Variants in GINS1 observed in about 807,000 individuals in gnomAD.
GINS1 encodes GINS complex subunit 1, also known as DNA replication complex GINS protein PSF1.
A neutral mutation model predicts 34.9 loss-of-function variants in GINS1; 26 were observed. That is an observed-to-expected ratio of 0.74 (90% CI 0.55 to 1.03). The LOEUF is 1.03. Ranked by LOEUF, GINS1 falls within the 50% of genes least tolerant of loss-of-function variation. GINS1 has a pLI of 0.00. For missense variants in GINS1, 235 were observed against 237.9 expected (o/e 0.99, Z 0.08); for synonymous variants, 97 against 84.4 (o/e 1.15, Z -0.82).
intron 5 of GINS1, among the ~76,000 whole-genome samples, chr20:25,437,230 C>T (rs77222409): frequency 0.021 from 3,258 of 152,294 alleles, 101 homozygotes; most frequent in African/African-American, 0.072. Flanking sequence ...CAGTGGAATG[C>T]GGGAGGGGCT....
At position 25,446,616 on chromosome 20, in the gene GINS1, C is replaced by A. The variant is rs972305901; in HGVS notation, c.*625C>A. 1 of 152,170 alleles carries A rather than the reference C, an allele frequency of 6.6e-6. No individual in the cohort carries two copies. The highest frequency in any genetic ancestry group is 6.5e-5 in the Admixed American group (1 of 15,268). 9.4% of individuals were successfully genotyped at this position (152,170 alleles called of 1,614,324 possible). ...AGTATATATAATGTTTAATGACATA[C>A]TAATTTATCATCTGGCTATTTGGGA... On this transcript the variant is annotated 3_prime_UTR_variant, in exon 7 of 7. Coordinates refer to ENST00000262460, the MANE Select transcript of GINS1 (RefSeq NM_021067.5).
intron 2 of GINS1, among the ~76,000 whole-genome samples, chr20:25,416,132 G>C (rs1024083107): frequency 7.9e-5 from 12 of 152,156 alleles, no homozygotes; most frequent in African/African-American, 2.9e-4. Flanking sequence ...GCTGGTTGCT[G>C]TGTGGAGGGG....
intron 4 of GINS1, among the ~76,000 whole-genome samples, chr20:25,422,601 A>G (rs114143773): frequency 5.3e-4 from 81 of 152,198 alleles, no homozygotes; most frequent in African/African-American, 1.9e-3. Context: ...AACAGCAACA[A>G]AAAAACTTGC....
chr20:25,445,914 TC>T lies in GINS1; in HGVS notation c.523-5del. 1 of 1,561,842 alleles carries T rather than the reference TC, an allele frequency of 6.4e-7. No homozygotes were observed. The highest frequency in any genetic ancestry group is 8.8e-7 in the Non-Finnish European group (1 of 1,136,714). ...TTTACTCTTTCTCCATCCCTTCTTG[TC>T]CCCTCAGCACTTTTTACCTCGATGG... On this transcript the variant is annotated splice_region_variant and splice_polypyrimidine_tract_variant and intron_variant, in intron 6 of 6. Coordinates refer to ENST00000262460, the MANE Select transcript of GINS1 (RefSeq NM_021067.5).
intron 4 of GINS1, 58 bp from the exon 5 acceptor site, chr20:25,425,153 A>G: frequency 1.3e-6 from 1 of 775,232 alleles, no homozygotes; most frequent in South Asian, 1.4e-5. Context: ...AATGGATGAT[A>G]TTCAGTGTGT....
intron 5 of GINS1, among the ~76,000 whole-genome samples, chr20:25,429,622 C>T (rs2090416022): frequency 1.3e-5 from 2 of 151,922 alleles, no homozygotes; most frequent in African/African-American, 2.4e-5. Context: ...TCAGATTGTT[C>T]GTTGTTAGTG....
chr20:25,408,330 G>A (rs891376082), intron 1 of GINS1, among the ~76,000 whole-genome samples: 11 of 152,170 alleles, frequency 7.2e-5, no homozygotes, highest in Admixed American at 6.6e-4. Context: ...AATGGGGATG[G>A]TGACAATAAT....
rs1467433830 is a variant in GINS1 at position 25,445,979 on chromosome 20, C to T, written c.579C>T (p.His193=). The T allele has an allele frequency of 1.2e-6, 2 of 1,608,170 alleles. No individual in the cohort carries two copies. Among genetic ancestry groups the T allele is most frequent in the South Asian group, 1.1e-5 (1 of 90,910 alleles). Residue 193 remains histidine (H), a synonymous_variant, in exon 7 of 7, where the codon CAC becomes CAT. Coordinates refer to ENST00000262460, the MANE Select transcript of GINS1 (RefSeq NM_021067.5). ...TGATCAGACAAGGAGTCCTGGAGCA[C>T]ATCCTGTCATGACCATGCGCCGAGG... The part of the protein sequence containing the change: ...EQLIRQGVLE[H]ILS
In GINS1 at chr20:25,424,274, C is replaced by G. The variant is rs554096237; in HGVS notation, c.331-937C>G. On this transcript the variant is annotated intron_variant, in intron 4 of 6. Coordinates refer to ENST00000262460, the MANE Select transcript of GINS1 (RefSeq NM_021067.5). The stretch of plus-strand genomic sequence containing the variant: ...TTTGAGAGCATTTCAACTATTAGCC[C>G]TTTGCACTTCCATGTAAATTTTAGA... 1.1e-4 allele frequency among the ~76,000 whole-genome samples: 16 copies of G among 152,232 alleles called. No homozygotes were observed. In the South Asian group the frequency reaches 3.3e-3, roughly 32 times the overall value.
chr20:25,413,672 AG>A (rs2090301534), intron 1 of GINS1, 117 bp from the exon 2 acceptor site: 4 of 687,908 alleles, frequency 5.8e-6, no homozygotes, highest in Non-Finnish European at 1.1e-5. Context: ...GGGGTGTGAA[AG>A]GACTATTGCT....
chr20:25,421,373 CAG>C (rs1284005554), intron 4 of GINS1, among the ~76,000 whole-genome samples: 7 of 152,170 alleles, frequency 4.6e-5, no homozygotes, highest in South Asian at 2.1e-4. Flanking sequence ...TAACATGAAA[CAG>C]ATGATCATGT....
intron 4 of GINS1, chr20:25,419,577 G>T (rs1402774422): frequency 1.0e-5 from 6 of 573,306 alleles, no homozygotes; most frequent in Middle Eastern, 8.9e-4. Flanking sequence ...GGTACTTACT[G>T]TGTATTATGG....
intron 5 of GINS1, among the ~76,000 whole-genome samples, chr20:25,435,808 C>A (rs2090451883): frequency 2.2e-5 from 2 of 91,924 alleles, no homozygotes; most frequent in Non-Finnish European, 4.0e-5. Context: ...TGTAGAGTTA[C>A]ACTTTTTTTT....
chr20:25,435,146 A>G (rs372636289), intron 5 of GINS1, among the ~76,000 whole-genome samples: 14 of 152,184 alleles, frequency 9.2e-5, no homozygotes, highest in East Asian at 3.8e-4. Context: ...GATAGTTACC[A>G]TATATAGGAT....
At chr20:25,435,109 T>C (rs2090447124) in intron 5 of GINS1, among the ~76,000 whole-genome samples, 1 of 152,194 alleles carries the variant, frequency 6.6e-6, no homozygotes, top group African/African-American at 2.4e-5. Flanking sequence ...CTTTATTTCT[T>C]CACATGGGTT....
intron 1 of GINS1, among the ~76,000 whole-genome samples, chr20:25,410,369 G>A (rs1249309149): frequency 6.6e-6 from 1 of 151,820 alleles, no homozygotes; most frequent in Non-Finnish European, 1.5e-5. Flanking sequence ...TAGAATCACT[G>A]TCTTGTAGGT....
intron 5 of GINS1, among the ~76,000 whole-genome samples, chr20:25,431,560 C>CCTTTTTT (rs1218952910): frequency 4.0e-5 from 6 of 148,836 alleles, no homozygotes; most frequent in East Asian, 1.9e-4. Flanking sequence ...TTTTCTTTTT[C>CCTTTTTT]CTTTTTTCTT....
chr20:25,424,944 T>C (rs749336286), intron 4 of GINS1, among the ~76,000 whole-genome samples: 7 of 152,228 alleles, frequency 4.6e-5, no homozygotes, highest in Non-Finnish European at 1.0e-4. Context: ...GTTCTGTTTC[T>C]GGTCAAAGAT....
At chr20:25,423,076 C>A (rs1384323532) in intron 4 of GINS1, among the ~76,000 whole-genome samples, 1 of 151,472 alleles carries the variant, frequency 6.6e-6, no homozygotes, top group Non-Finnish European at 1.5e-5. Flanking sequence ...CACACCTGGC[C>A]GAGCTTATTC....
Sources: allele counts gnomAD v4.1 joint callset (sites outside exome capture counted in the v4.1 genomes callset), GRCh38; gene constraint gnomAD v4.1.1; transcripts MANE v1.5; gene names NCBI Gene and HGNC (gene_info 2026-07-23, HGNC 2026-07-21).